The following POM121L2 variants were observed in gnomAD, a reference collection of about 807,000 sequenced individuals.
The protein encoded by POM121L2 is POM121-like protein 2.
For missense variants in POM121L2, 1,167 were observed against 1,260.3 expected, an observed-to-expected ratio of 0.93 and a Z score of 1.12; for synonymous variants, 459 against 483.8, an observed-to-expected ratio of 0.95 and a Z score of 0.67.
In POM121L2 at chr6:27,311,861, T is replaced by C. The variant is rs1336054973; in HGVS notation, c.310A>G (p.Thr104Ala). 11 of 1,551,706 alleles carry C rather than the reference T, an allele frequency of 7.1e-6. No individual in the cohort carries two copies. Among genetic ancestry groups the C allele is most frequent in the Non-Finnish European group, 9.6e-6 (11 of 1,146,992 alleles). The change falls in exon 1 of 1, where the codon ACT (threonine) becomes GCT (alanine). Residue 104 changes from threonine (T) to alanine (A), a missense_variant. By Grantham distance (58) the Thr-to-Ala change is moderately conservative (BLOSUM62 0). Transcript: ENST00000444565. ...CTGGGATGTCGAAGAGACCAAATAG[T>C]CCGCTTTAAGTAACTTTCCCACCAG... The part of the protein sequence containing the change: ...SDWWESYLKR[T>A]IWSLRHPRPI...
In POM121L2 at chr6:27,312,206, C is replaced by T. The variant is rs965421794; in HGVS notation, c.-36G>A. The T allele has an allele frequency of 2.3e-6, 3 of 1,318,820 alleles. No homozygotes were observed. In the Admixed American group the frequency reaches 8.7e-5, roughly 38 times the overall value. The allele number at this position is 1,318,820 out of a possible 1,614,324, so 81.7% of individuals were successfully genotyped here. ...GAGGCGCGGGCAGTGAGTTCAAGCACGGTTTTGGCTTCCGAGGTTTCGGAC... is the reference window on the plus strand; with the variant it reads ...GAGGCGCGGGCAGTGAGTTCAAGCATGGTTTTGGCTTCCGAGGTTTCGGAC... On this transcript the variant is annotated 5_prime_UTR_variant, in exon 1 of 1. The change creates a new upstream start codon in the 5' untranslated region. Coordinates refer to ENST00000444565, the MANE Select transcript of POM121L2 (RefSeq NM_033482.4). This position sits in a 1 kb window ranked among gnomAD's most constrained non-coding sequence, Gnocchi z 6.7.
At position 27,310,405 on chromosome 6, in the gene POM121L2, G is replaced by T; in HGVS notation, c.1766C>A (p.Thr589Asn). The change falls in exon 1 of 1, where the codon ACT becomes AAT. Residue 589 changes from threonine (T) to asparagine (N), a missense_variant. Thr to Asn is a moderately conservative substitution (Grantham distance 65, BLOSUM62 0). Transcript: ENST00000444565. ...GGAGAAAGGAGCTATCATGGGCGTA[G>T]TTTTAAGTGGATCTATGCTGCCAAA... ...PIFGSIDPLK[T>N]TPMIAPFSSK... The T allele has an allele frequency of 1.3e-6, 2 of 1,552,196 alleles. No homozygotes were observed. The highest frequency in any genetic ancestry group is 1.7e-6 in the Non-Finnish European group (2 of 1,147,114).
rs1463656840 is a variant in POM121L2 at position 27,310,922 on chromosome 6, G to C, written c.1249C>G (p.Pro417Ala). Residue 417 changes from proline to alanine, a missense_variant, in exon 1 of 1, where the codon CCA becomes GCA. Pro to Ala is a conservative substitution (Grantham distance 27, BLOSUM62 -1). Transcript: ENST00000444565. ...NLRKMQKSLG[P>A]LASPQSTGEA... The stretch of plus-strand genomic sequence containing the variant: ...CCCGTGGACTGTGGAGAGGCCAGTG[G>C]ACCTAGAGACTTCTGCATTTTTCTT... 6.4e-6 allele frequency: 10 copies of C among 1,551,776 alleles called. No homozygotes were observed.
In POM121L2 at chr6:27,311,060, T is replaced by G. The variant is rs919593370; in HGVS notation, c.1111A>C (p.Asn371His). ...NNAGEDTTEV[N>H]TDPFPETWLA... is the part of the protein sequence containing the mutation. ...CAAGTCTCAGGGAAAGGGTCTGTGT[T>G]GACCTCAGTTGTATCTTCTCCTGCG... is the stretch of plus-strand genomic sequence containing the variant. Residue 371 changes from asparagine to histidine, a missense_variant, in exon 1 of 1, where the codon AAC becomes CAC. By Grantham distance (68) the Asn-to-His change is moderately conservative (BLOSUM62 1). Transcript: ENST00000444565. The G allele has an allele frequency of 1.3e-6, 2 of 1,551,916 alleles. No homozygotes were observed. Among genetic ancestry groups the G allele is most frequent in the African/African-American group, 2.7e-5 (2 of 73,042 alleles).
In POM121L2 at chr6:27,311,085, G is replaced by T. The variant is rs1487605445; in HGVS notation, c.1086C>A (p.Asn362Lys). The T allele has an allele frequency of 4.5e-6, 7 of 1,551,896 alleles. No individual in the cohort carries two copies. The highest frequency in any genetic ancestry group is 6.1e-6 in the Non-Finnish European group (7 of 1,147,056). The change falls in exon 1 of 1, where the codon AAC becomes AAA. Residue 362 changes from asparagine (N) to lysine (K), a missense_variant. Asn to Lys is a moderately conservative substitution (Grantham distance 94, BLOSUM62 0). Transcript: ENST00000444565. ...TGACCTCAGTTGTATCTTCTCCTGC[G>T]TTGTTGCTTACCTGTAGCTCAGCTT... Reference protein sequence around the residue: ...GKKAELQVSNNAGEDTTEVNT... With the variant: ...GKKAELQVSNKAGEDTTEVNT...
chr6:27,308,492 T>C lies in POM121L2; in HGVS notation c.*571A>G, dbSNP rs1760700725. ...GGTATACTCATACAACTGAACACAA[T>C]TAAAAATGGATTTTTAATCAGCAAT... On this transcript the variant is annotated 3_prime_UTR_variant, in exon 1 of 1. Transcript: ENST00000444565. Among the ~76,000 whole-genome samples, 1 of 152,188 alleles carries C rather than the reference T, an allele frequency of 6.6e-6. No homozygotes were observed. The highest frequency in any genetic ancestry group is 1.5e-5 in the Non-Finnish European group (1 of 68,026).
chr6:27,309,371 G>C lies in POM121L2; in HGVS notation c.2800C>G (p.Pro934Ala). 6.4e-7 allele frequency: 1 copy of C among 1,551,596 alleles called. No homozygotes were observed. Among genetic ancestry groups the C allele is most frequent in the Non-Finnish European group, 8.7e-7 (1 of 1,146,948 alleles). Residue 934 changes from proline (P) to alanine (A), a missense_variant, in exon 1 of 1, where the codon CCC (proline) becomes GCC (alanine). Transcript: ENST00000444565. ...TTCTGGCTCCAGCCTTTTCCAAAGG[G>C]GATCATGGTGTTAGTGGTCCCACTA... is the stretch of plus-strand genomic sequence containing the variant. ...LPSGTTNTMIPFGKGWSQNTE... is the reference protein window; with the variant it reads ...LPSGTTNTMIAFGKGWSQNTE...
Position 27,310,879 on chromosome 6 carries a change from G to T in POM121L2, c.1292C>A (p.Ala431Asp). ...GCTGGGTGTCTTCAAAGGAGAATGG[G>T]CCACACTGGTTGCCTCTCCCGTGGA... is the stretch of plus-strand genomic sequence containing the variant. Reference protein sequence around the residue: ...PQSTGEATSVAHSPLKTPSLP... With the variant: ...PQSTGEATSVDHSPLKTPSLP... Residue 431 changes from alanine to aspartate, a missense_variant, in exon 1 of 1, where the codon GCC becomes GAC. Transcript: ENST00000444565. 1.3e-6 allele frequency: 2 copies of T among 1,551,728 alleles called. No individual in the cohort carries two copies. The highest frequency in any genetic ancestry group is 1.2e-5 in the South Asian group (1 of 84,046).
chr6:27,310,545 G>C lies in POM121L2; in HGVS notation c.1626C>G (p.His542Gln). The C allele has an allele frequency of 1.9e-6, 3 of 1,552,204 alleles. No homozygotes were observed. Reference protein sequence around the residue: ...LMLKPILGPLHNSEIGSSSYS... With the variant: ...LMLKPILGPLQNSEIGSSSYS... ...ATGAGGAGCTTCCAATCTCGCTGTTGTGCAGGGGCCCCAAAATCGGTTTTA... is the reference window on the plus strand; with the variant it reads ...ATGAGGAGCTTCCAATCTCGCTGTTCTGCAGGGGCCCCAAAATCGGTTTTA... Residue 542 changes from histidine (H) to glutamine (Q), a missense_variant, in exon 1 of 1, where the codon CAC becomes CAG. Transcript: ENST00000444565.
rs1021410071 is a variant in POM121L2, at chr6:27,310,849, G to A, written c.1322C>T (p.Pro441Leu). 25 of 1,551,678 alleles carry A rather than the reference G, an allele frequency of 1.6e-5. No individual in the cohort carries two copies. The highest frequency in any genetic ancestry group is 2.0e-5 in the Admixed American group (1 of 50,990). ...TGACTGTGAGCACCCAGGTGGGGTC[G>A]GTAGGCTGGGTGTCTTCAAAGGAGA... ...AHSPLKTPSL[P>L]TPPGCSQSEL... is the part of the protein sequence containing the mutation. Residue 441 changes from proline to leucine, a missense_variant, in exon 1 of 1, where the codon CCG becomes CTG. Pro to Leu is a moderately conservative substitution (Grantham distance 98, BLOSUM62 -3). Transcript: ENST00000444565.
Position 27,311,933 on chromosome 6 carries a change from G to C in POM121L2, c.238C>G (p.Pro80Ala). ...WLANEAWRRF[P>A]MKKSQNSPLG... The stretch of plus-strand genomic sequence containing the variant: ...GGGGAATTCTGGGACTTCTTCATGG[G>C]AAAGCGCCTCCAGGCCTCGTTGGCC... The change falls in exon 1 of 1, where the codon CCC (proline) becomes GCC (alanine). Residue 80 changes from proline to alanine, a missense_variant. Physicochemically the swap from Pro to Ala is conservative, Grantham distance 27. Coordinates refer to ENST00000444565, the MANE Select transcript of POM121L2 (RefSeq NM_033482.4). The C allele has an allele frequency of 6.4e-7, 1 of 1,551,692 alleles. No homozygotes were observed. The highest frequency in any genetic ancestry group is 8.7e-7 in the Non-Finnish European group (1 of 1,146,990).
Position 27,311,263 on chromosome 6 carries a change from G to A in POM121L2, c.908C>T (p.Ser303Leu). Reference protein sequence around the residue: ...HRPSSPVPLVSDFESLGGSES... With the variant: ...HRPSSPVPLVLDFESLGGSES... ...AGATCCTCCTAGGGACTCAAAATCTGATACCAGTGGGACTGGAGAGGAAGG... is the reference window on the plus strand; with the variant it reads ...AGATCCTCCTAGGGACTCAAAATCTAATACCAGTGGGACTGGAGAGGAAGG... Residue 303 changes from serine (S) to leucine (L), a missense_variant, in exon 1 of 1, where the codon TCA becomes TTA. Coordinates refer to ENST00000444565, the MANE Select transcript of POM121L2 (RefSeq NM_033482.4). 1 of 1,551,832 alleles carries A rather than the reference G, an allele frequency of 6.4e-7. No individual in the cohort carries two copies. The highest frequency in any genetic ancestry group is 8.7e-7 in the Non-Finnish European group (1 of 1,147,044).
Position 27,310,301 on chromosome 6 carries a change from T to C in POM121L2, c.1870A>G (p.Met624Val), listed in dbSNP as rs1249034953. The C allele has an allele frequency of 6.4e-7, 1 of 1,552,346 alleles. No individual in the cohort carries two copies. The highest frequency in any genetic ancestry group is 8.7e-7 in the Non-Finnish European group (1 of 1,147,128). The stretch of plus-strand genomic sequence containing the variant: ...GATGTGCTGGCTAGGGTGGTGGACA[T>C]GACCACAGAGGTGGCCTTGACCAGG... Reference protein sequence around the residue: ...HGLVKATSVVMSTTLASTSKD... With the variant: ...HGLVKATSVVVSTTLASTSKD... The change falls in exon 1 of 1, where the codon ATG becomes GTG. Residue 624 changes from methionine (M) to valine (V), a missense_variant. Transcript: ENST00000444565.
rs1237759652 is a variant in POM121L2 at position 27,309,622 on chromosome 6, C to T, written c.2549G>A (p.Gly850Asp). ...TPASTWSGIG[G>D]IPAGFPISQA... ...ACTAATGGGAAAACCTGCTGGAATG[C>T]CGCCAATGCCTGACCAGGTGCTGGC... The change falls in exon 1 of 1, where the codon GGC becomes GAC. Residue 850 changes from glycine (G) to aspartate (D), a missense_variant. Gly to Asp is a moderately conservative substitution (Grantham distance 94). Transcript: ENST00000444565. 3 of 1,551,752 alleles carry T rather than the reference C, an allele frequency of 1.9e-6. No individual in the cohort carries two copies. Among genetic ancestry groups the T allele is most frequent in the Non-Finnish European group, 2.6e-6 (3 of 1,146,992 alleles).
At position 27,310,770 on chromosome 6, in the gene POM121L2, C is replaced by T; in HGVS notation, c.1401G>A (p.Leu467=). The change falls in exon 1 of 1, where the codon CTG becomes CTA. Residue 467 remains leucine (L), a synonymous_variant. Transcript: ENST00000444565. ...PDSKPTATFI[L]LTPTSPTLPV... is the part of the protein sequence containing the mutation. ...GTAATGTGGGAGAGGTGGGGGTCAG[C>T]AGGATGAAAGTAGCTGTGGGCTTTG... is the stretch of plus-strand genomic sequence containing the variant. The T allele has an allele frequency of 6.4e-7, 1 of 1,551,732 alleles. No homozygotes were observed. Among genetic ancestry groups the T allele is most frequent in the Non-Finnish European group, 8.7e-7 (1 of 1,147,004 alleles).
At position 27,309,018 on chromosome 6, in the gene POM121L2, C is replaced by A. The variant is rs559391407; in HGVS notation, c.*45G>T. 1.0e-4 allele frequency: 148 copies of A among 1,425,694 alleles called. No homozygotes were observed. The highest frequency in any genetic ancestry group is 8.1e-4 in the Middle Eastern group (4 of 4,962). 88.3% of individuals were successfully genotyped at this position (1,425,694 alleles called of 1,614,324 possible). ...GGAAGACACTGAGGTTTTTCAAAAA[C>A]AATACTGAGGTCTAAATCAGGGTGC... On this transcript the variant is annotated 3_prime_UTR_variant, in exon 1 of 1. Transcript: ENST00000444565.
rs747637634 is a variant in POM121L2, at chr6:27,310,375, T to C, written c.1796A>G (p.Lys599Arg). 3.7e-5 allele frequency: 57 copies of C among 1,552,064 alleles called. No individual in the cohort carries two copies. The African/African-American group carries it at 5.2e-4, about 14-fold the overall frequency. Reference sequence around the variant, plus strand: ...ATGAGTAAATGGAGGAGGGGTCTGCTTGGAGGAGAAAGGAGCTATCATGGG... The same window carrying C: ...ATGAGTAAATGGAGGAGGGGTCTGCCTGGAGGAGAAAGGAGCTATCATGGG... ...TTPMIAPFSS[K>R]QTPPPFTHAS... The change falls in exon 1 of 1, where the codon AAG (lysine) becomes AGG (arginine). Residue 599 changes from lysine to arginine, a missense_variant. Lys to Arg is a conservative substitution (Grantham distance 26, BLOSUM62 2). Transcript: ENST00000444565.
chr6:27,311,576 G>A lies in POM121L2; in HGVS notation c.595C>T (p.Leu199=). 6.4e-7 allele frequency: 1 copy of A among 1,551,700 alleles called. No individual in the cohort carries two copies. Among genetic ancestry groups the A allele is most frequent in the South Asian group, 1.2e-5 (1 of 84,060 alleles). ...PETRPSAFKP[L]MKNGTLTSFV... is the part of the protein sequence containing the mutation. The stretch of plus-strand genomic sequence containing the variant: ...GAAGTGAGGGTTCCATTTTTCATCA[G>A]GGGCTTAAATGCCGATGGTCTGGTC... Residue 199 remains leucine, a synonymous_variant, in exon 1 of 1, where the codon CTG becomes TTG. Transcript: ENST00000444565.
Position 27,310,552 on chromosome 6 carries a change from G to A in POM121L2, c.1619C>T (p.Pro540Leu). ...GCTTCCAATCTCGCTGTTGTGCAGGGGCCCCAAAATCGGTTTTAACATGAG... is the reference window on the plus strand; with the variant it reads ...GCTTCCAATCTCGCTGTTGTGCAGGAGCCCCAAAATCGGTTTTAACATGAG... ...AHLMLKPILG[P>L]LHNSEIGSSS... Residue 540 changes from proline (P) to leucine (L), a missense_variant, in exon 1 of 1, where the codon CCC (proline) becomes CTC (leucine). By Grantham distance (98) the Pro-to-Leu change is moderately conservative. Coordinates refer to ENST00000444565, the MANE Select transcript of POM121L2 (RefSeq NM_033482.4). 6.4e-7 allele frequency: 1 copy of A among 1,552,138 alleles called. No homozygotes were observed. The highest frequency in any genetic ancestry group is 2.4e-5 in the East Asian group (1 of 40,920).
Sources: allele counts gnomAD v4.1 joint callset (sites outside exome capture counted in the v4.1 genomes callset), GRCh38; gene constraint gnomAD v4.1.1; non-coding constraint Gnocchi (gnomAD v3.1); transcripts MANE v1.5; gene names NCBI Gene and HGNC (gene_info 2026-07-23, HGNC 2026-07-21).